KIAA1328: variants seen among roughly 807,000 people sequenced by gnomAD.
KIAA1328 encodes KIAA1328.
Under a neutral mutation model 68.1 loss-of-function variants are expected in KIAA1328, and 52 were observed. The observed-to-expected ratio is 0.76, with a 90% CI of 0.61 to 0.96. The LOEUF (loss-of-function observed/expected upper bound fraction) is 0.96. Ranked by LOEUF, KIAA1328 falls within the 40% of genes least tolerant of loss-of-function variation. The pLI is 0.00. For missense variants in KIAA1328, 641 were observed against 677.6 expected (o/e 0.95, Z 0.60); for synonymous variants, 232 against 239.4 (o/e 0.97, Z 0.28).
chr18:37,187,789 A>G (rs2059832474), intron 9 of KIAA1328, among the ~76,000 whole-genome samples: 1 of 152,158 alleles, frequency 6.6e-6, no homozygotes, highest in Non-Finnish European at 1.5e-5. Context: ...TGCCTAGGAA[A>G]GGGATGTTCA....
chr18:37,067,444 G>A lies in KIAA1328; in HGVS notation c.1131G>A (p.Leu377=), dbSNP rs765861567. ...KQQLMLQKME[L]EIEKERLQHL... ...AACTGATGCTTCAGAAAATGGAACT[G>A]GAAATTGAAAAGGAGCGCCTTCAGC... The change falls in exon 7 of 10, where the codon CTG becomes CTA. Residue 377 remains leucine, a synonymous_variant. Coordinates refer to ENST00000280020, the MANE Select transcript of KIAA1328 (RefSeq NM_020776.3). The A allele has an allele frequency of 6.3e-7, 1 of 1,590,172 alleles. No homozygotes were observed. The highest frequency in any genetic ancestry group is 2.3e-5 in the East Asian group (1 of 43,900).
chr18:37,223,051 C>A lies in KIAA1328; in HGVS notation c.*824C>A. 2 of 177,998 alleles carry A rather than the reference C, an allele frequency of 1.1e-5. No homozygotes were observed. The highest frequency in any genetic ancestry group is 8.4e-6 in the Non-Finnish European group (1 of 118,374). 11.0% of individuals were successfully genotyped at this position (177,998 alleles called of 1,614,324 possible). A position where few individuals can be genotyped will look rare whatever the true frequency, so the allele number is the denominator to read the frequency against. ...ACCCAAGTGTTCAGCTTATTCACCC[C>A]ACCCCCCCACCCCCCATCACACGTG... On this transcript the variant is annotated 3_prime_UTR_variant, in exon 10 of 10. Transcript: ENST00000280020.
At chr18:37,154,838 C>T (rs1216543951) in intron 7 of KIAA1328, among the ~76,000 whole-genome samples, 2 of 152,160 alleles carry the variant, frequency 1.3e-5, no homozygotes, top group Non-Finnish European at 2.9e-5. Context: ...AAAGGGATAT[C>T]TAAATTATTT....
intron 6 of KIAA1328, among the ~76,000 whole-genome samples, chr18:37,019,613 A>G (rs916912666): frequency 3.9e-5 from 6 of 152,226 alleles, no homozygotes; most frequent in African/African-American, 1.4e-4. Context: ...AGTTCTCTGC[A>G]TGGGGATGGG....
intron 5 of KIAA1328, among the ~76,000 whole-genome samples, chr18:36,900,660 A>C (rs1013320639): frequency 9.9e-5 from 15 of 152,042 alleles, no homozygotes; most frequent in African/African-American, 3.6e-4. Context: ...TCATATTTTC[A>C]TATAATTATT....
At chr18:37,120,262 A>G (rs2058234297) in intron 7 of KIAA1328, among the ~76,000 whole-genome samples, 1 of 152,132 alleles carries the variant, frequency 6.6e-6, no homozygotes, top group Non-Finnish European at 1.5e-5. Context: ...CAATAAGAAA[A>G]GATAGGATTG....
At chr18:37,127,668 A>G (rs1404327085) in intron 7 of KIAA1328, among the ~76,000 whole-genome samples, 1 of 152,228 alleles carries the variant, frequency 6.6e-6, no homozygotes, top group Admixed American at 6.5e-5. Flanking sequence ...ACAAATTGAT[A>G]TGTGGATTCA....
intron 5 of KIAA1328, among the ~76,000 whole-genome samples, chr18:36,909,445 C>T (rs1029120786): frequency 6.6e-6 from 1 of 152,076 alleles, no homozygotes; most frequent in Non-Finnish European, 1.5e-5. Context: ...CATCCATGTC[C>T]CTACAAAGGA....
Position 37,025,675 on chromosome 18 carries a change from C to T in KIAA1328, c.577-41215C>T, listed in dbSNP as rs78567135. Among the ~76,000 whole-genome samples, 5 of 152,152 alleles carry T rather than the reference C, an allele frequency of 3.3e-5. No homozygotes were observed. The East Asian group carries it at 5.8e-4, about 18-fold the overall frequency. On this transcript the variant is annotated intron_variant, in intron 6 of 9. Transcript: ENST00000280020. ...AAATAAAGTTGTTCTTTGAAATTAA[C>T]GAGAACAAAGACAAAACATACCAGA... is the stretch of plus-strand genomic sequence containing the variant.
intron 6 of KIAA1328, among the ~76,000 whole-genome samples, chr18:37,056,914 A>T (rs2055932018): frequency 2.0e-5 from 3 of 152,198 alleles, no homozygotes; most frequent in Admixed American, 2.0e-4. Context: ...AAGTACTGGG[A>T]TTACAGGCAT....
intron 5 of KIAA1328, among the ~76,000 whole-genome samples, chr18:36,922,695 C>T (rs1049643212): frequency 1.1e-4 from 16 of 151,968 alleles, no homozygotes; most frequent in African/African-American, 3.6e-4. Flanking sequence ...TTATGAGTAG[C>T]TTTTTAAAAT....
chr18:37,095,919 G>A (rs2057391476), intron 7 of KIAA1328, among the ~76,000 whole-genome samples: 2 of 152,142 alleles, frequency 1.3e-5, no homozygotes, highest in Non-Finnish European at 2.9e-5. Flanking sequence ...CATACGCAGT[G>A]TACCATAATT....
At chr18:37,002,643 G>A (rs557370110) in intron 6 of KIAA1328, among the ~76,000 whole-genome samples, 12 of 152,104 alleles carry the variant, frequency 7.9e-5, no homozygotes, top group African/African-American at 2.9e-4. Flanking sequence ...CCTAGGATGT[G>A]AAAGTTCTCT....
At position 37,224,534 on chromosome 18, in the gene KIAA1328, T is replaced by A; in HGVS notation, c.*2307T>A. 4 of 978,418 alleles carry A rather than the reference T, an allele frequency of 4.1e-6. No homozygotes were observed. Among genetic ancestry groups the A allele is most frequent in the Non-Finnish European group, 4.9e-6 (4 of 823,524 alleles). The allele number at this position is 978,418 out of a possible 1,614,324, so 60.6% of individuals were successfully genotyped here. On this transcript the variant is annotated 3_prime_UTR_variant, in exon 10 of 10. Transcript: ENST00000280020. ...GGGCAATAGGATGTAAATTTGTATA[T>A]AATCTAATGTCTTCATTATTAATTG...
At chr18:37,060,621 A>G (rs2056108188) in intron 6 of KIAA1328, among the ~76,000 whole-genome samples, 2 of 152,332 alleles carry the variant, frequency 1.3e-5, no homozygotes, top group South Asian at 2.1e-4. Flanking sequence ...GTATGCCTAC[A>G]CTATGGCCAA....
At chr18:36,998,687 G>T (rs937919678) in intron 6 of KIAA1328, among the ~76,000 whole-genome samples, 6 of 152,114 alleles carry the variant, frequency 3.9e-5, no homozygotes, top group African/African-American at 9.7e-5. Flanking sequence ...TACAGCCAAA[G>T]AAATCATACA....
intron 4 of KIAA1328, among the ~76,000 whole-genome samples, chr18:36,881,415 T>A (rs1026718322): frequency 1.3e-5 from 2 of 152,174 alleles, no homozygotes; most frequent in Non-Finnish European, 2.9e-5. Context: ...AAAATTCTTA[T>A]TTCACTTGGA....
chr18:37,115,520 T>C (rs1022432402), intron 7 of KIAA1328, among the ~76,000 whole-genome samples: 1 of 152,170 alleles, frequency 6.6e-6, no homozygotes, highest in Non-Finnish European at 1.5e-5. Flanking sequence ...TATCTTGAAA[T>C]AATAAGAGCT....
intron 6 of KIAA1328, among the ~76,000 whole-genome samples, chr18:37,008,381 C>A (rs1653321360): frequency 1.3e-5 from 2 of 152,186 alleles, no homozygotes; most frequent in South Asian, 4.1e-4. Flanking sequence ...TGGTGTAAAC[C>A]AAACTTACTT....
Sources: gnomAD v4.1 joint callset for allele counts (sites outside exome capture counted in the v4.1 genomes callset) on GRCh38, gnomAD v4.1.1 for gene constraint, MANE v1.5 for transcripts, NCBI Gene and HGNC (gene_info 2026-07-23, HGNC 2026-07-21) for gene names.